CDH18: variants seen among roughly 807,000 people sequenced by gnomAD.
CDH18 encodes the protein cadherin 18, also known as cadherin-18.
Under a neutral mutation model 67.9 loss-of-function variants are expected in CDH18, and 31 were observed. That is an observed-to-expected ratio of 0.46 (90% CI 0.34 to 0.62). The LOEUF is 0.62. Among genes scored for constraint, CDH18 ranks in the 20% least tolerant of loss-of-function variants. The pLI is 0.01. For synonymous variants in CDH18, 362 were observed against 347.2 expected (o/e 1.04, Z -0.48); for missense variants, 890 against 975.5 (o/e 0.91, Z 1.17).
intron 2 of CDH18, among the ~76,000 whole-genome samples, chr5:20,142,047 T>C (rs1054627878): frequency 5.3e-5 from 8 of 152,014 alleles, no homozygotes; most frequent in Non-Finnish European, 1.2e-4. Flanking sequence ...GCAAATTAGA[T>C]AAATATAAAT....
At chr5:19,811,076 GAAAA>G (rs1224897845) in intron 3 of CDH18, among the ~76,000 whole-genome samples, 3 of 117,040 alleles carry the variant, frequency 2.6e-5, no homozygotes, top group South Asian at 3.0e-4. Flanking sequence ...GGGAGAAAGA[GAAAA>G]AGAAAGAAAG....
chr5:20,069,788 A>G (rs772081847), intron 2 of CDH18, among the ~76,000 whole-genome samples: 4 of 152,138 alleles, frequency 2.6e-5, no homozygotes, highest in Non-Finnish European at 5.9e-5. Context: ...AGGTACAGAG[A>G]TTGCCCATAT....
chr5:20,442,914 C>T (rs1350459449), intron 1 of CDH18, among the ~76,000 whole-genome samples: 1 of 151,816 alleles, frequency 6.6e-6, no homozygotes, highest in Admixed American at 6.6e-5. Flanking sequence ...CAAGTTAATA[C>T]AAAAGTATAT....
intron 1 of CDH18, among the ~76,000 whole-genome samples, chr5:20,322,935 G>C (rs1738176775): frequency 6.6e-6 from 1 of 152,000 alleles, no homozygotes; most frequent in Non-Finnish European, 1.5e-5. Context: ...AAGTAAACCA[G>C]TATTGTAATT....
At chr5:19,521,006 A>G (rs930245946) in intron 9 of CDH18, among the ~76,000 whole-genome samples, 2 of 152,230 alleles carry the variant, frequency 1.3e-5, no homozygotes, top group African/African-American at 4.8e-5. Context: ...ATATTTTGTC[A>G]TATCAAGGAA....
chr5:19,991,497 T>C (rs530822626), upstream of CDH18, among the ~76,000 whole-genome samples: 3 of 152,330 alleles, frequency 2.0e-5, no homozygotes, highest in Admixed American at 6.5e-5. Context: ...CTGATTTTTA[T>C]ATAAAGAAAA....
At chr5:20,493,574 A>G (rs1753723271) in intron 1 of CDH18, among the ~76,000 whole-genome samples, 1 of 152,018 alleles carries the variant, frequency 6.6e-6, no homozygotes, top group Non-Finnish European at 1.5e-5. Context: ...TAGAGTGACA[A>G]CAGGGAAAAC....
At chr5:19,700,549 A>G (rs528302960) in intron 5 of CDH18, among the ~76,000 whole-genome samples, 59 of 152,256 alleles carry the variant, frequency 3.9e-4, no homozygotes, top group South Asian at 1.2e-3. Flanking sequence ...GTTTTCATGC[A>G]CAGTTTCTAT....
At chr5:20,402,137 G>C (rs189256162) in intron 1 of CDH18, among the ~76,000 whole-genome samples, 2 of 151,714 alleles carry the variant, frequency 1.3e-5, no homozygotes, top group African/African-American at 4.8e-5. Context: ...TCTCTTTTGT[G>C]CAGGCTCTTT....
intron 1 of CDH18, among the ~76,000 whole-genome samples, chr5:20,548,063 A>G (rs1757436482): frequency 6.6e-6 from 1 of 151,584 alleles, no homozygotes; most frequent in Non-Finnish European, 1.5e-5. Flanking sequence ...AAAAAAAACA[A>G]AATATGTTCA....
intron 2 of CDH18, among the ~76,000 whole-genome samples, chr5:19,973,098 A>C (rs542462629): frequency 6.6e-6 from 1 of 152,132 alleles, no homozygotes; most frequent in Non-Finnish European, 1.5e-5. Context: ...TACAGGAATG[A>C]AAATGCATAA....
intron 2 of CDH18, among the ~76,000 whole-genome samples, chr5:19,860,583 C>G (rs1354237581): frequency 6.6e-6 from 1 of 151,506 alleles, no homozygotes; most frequent in Non-Finnish European, 1.5e-5. Context: ...CTTTAAGGTA[C>G]ATAGTATATT....
intron 1 of CDH18, among the ~76,000 whole-genome samples, chr5:20,436,461 A>T (rs1749169994): frequency 6.6e-6 from 1 of 151,944 alleles, no homozygotes; most frequent in South Asian, 2.1e-4. Context: ...TTCCCATGAA[A>T]ATAAACATGG....
chr5:19,956,698 G>A (rs1796287744), intron 2 of CDH18, among the ~76,000 whole-genome samples: 1 of 151,722 alleles, frequency 6.6e-6, no homozygotes, highest in African/African-American at 2.4e-5. Flanking sequence ...CTTCCAATTA[G>A]TATTGATAAT....
intron 3 of CDH18, among the ~76,000 whole-genome samples, chr5:19,765,881 A>AT (rs59404348): frequency 0.93 from 138,636 of 148,848 alleles, 64,813 homozygotes; most frequent in East Asian, 0.99. Context: ...TTCAAAAAAC[A>AT]TTTTTTTTTT....
intron 7 of CDH18, among the ~76,000 whole-genome samples, chr5:19,580,264 T>C (rs892904909): frequency 6.6e-6 from 1 of 151,854 alleles, no homozygotes; most frequent in South Asian, 2.1e-4. Flanking sequence ...TAATTTCCCA[T>C]GCAAATATTT....
At chr5:20,487,521 A>G (rs1323396060) in intron 1 of CDH18, among the ~76,000 whole-genome samples, 1 of 150,924 alleles carries the variant, frequency 6.6e-6, no homozygotes, top group Non-Finnish European at 1.5e-5. Context: ...ATGTATATAC[A>G]TATATCTATC....
chr5:19,884,856 T>G (rs989241768), intron 2 of CDH18, among the ~76,000 whole-genome samples: 7 of 152,210 alleles, frequency 4.6e-5, no homozygotes, highest in Admixed American at 4.6e-4. Flanking sequence ...TAGTATGATA[T>G]GTAGTACAGC....
intron 2 of CDH18, among the ~76,000 whole-genome samples, chr5:19,860,023 T>TGTG (rs1554052081): frequency 6.6e-6 from 1 of 151,788 alleles, no homozygotes; most frequent in Admixed American, 6.6e-5. Flanking sequence ...TGTGTGTGTG[T>TGTG]TTAAGAGTAT....
Sources: gnomAD v4.1 joint callset for allele counts (sites outside exome capture counted in the v4.1 genomes callset) on GRCh38, gnomAD v4.1.1 for gene constraint, MANE v1.5 for transcripts, NCBI Gene and HGNC (gene_info 2026-07-23, HGNC 2026-07-21) for gene names.